The following RAD51B variants were observed in gnomAD, a reference collection of about 807,000 sequenced individuals.
RAD51B encodes DNA repair protein RAD51 homolog 2.
Under a neutral mutation model 42.2 loss-of-function variants are expected in RAD51B, and 38 were observed. The observed-to-expected ratio is 0.90, with a 90% CI of 0.70 to 1.18. The LOEUF is 1.18. Among genes scored for constraint, RAD51B ranks in the 50% most tolerant of loss-of-function variants. The probability of loss-of-function intolerance (pLI) is 0.00; values close to 1 mark genes in which losing one functional copy is unlikely to be tolerated. For missense variants in RAD51B, 373 were observed against 400.7 expected (o/e 0.93, Z 0.59); for synonymous variants, 154 against 145.2 (o/e 1.06, Z -0.43).
chr14:68,463,274 A>T (rs565380937), intron 9 of RAD51B, among the ~76,000 whole-genome samples: 5 of 152,322 alleles, frequency 3.3e-5, no homozygotes, highest in South Asian at 2.1e-4. Context: ...ATCCACAAAG[A>T]TACATGGCAA....
chr14:68,490,276 A>G (rs1370871134), intron 10 of RAD51B, among the ~76,000 whole-genome samples: 1 of 152,192 alleles, frequency 6.6e-6, no homozygotes, highest in Non-Finnish European at 1.5e-5. Flanking sequence ...ATATTCATGT[A>G]TTGCTTATGT....
At chr14:68,167,519 G>T (rs2078778121) in intron 7 of RAD51B, among the ~76,000 whole-genome samples, 1 of 152,080 alleles carries the variant, frequency 6.6e-6, no homozygotes, top group Non-Finnish European at 1.5e-5. Context: ...CTCAGTGGTT[G>T]GTACAGAGGT....
intron 3 of RAD51B, among the ~76,000 whole-genome samples, chr14:67,833,672 A>G (rs183085922): frequency 1.3e-5 from 2 of 152,330 alleles, no homozygotes; most frequent in East Asian, 1.9e-4. Context: ...CCTGTGTGCA[A>G]TTTAAAACTT....
chr14:68,369,634 A>G (rs1397511588), intron 8 of RAD51B, among the ~76,000 whole-genome samples: 2 of 152,166 alleles, frequency 1.3e-5, no homozygotes, highest in African/African-American at 4.8e-5. Context: ...AATAGGTGCC[A>G]TATCTTTCAC....
intron 8 of RAD51B, among the ~76,000 whole-genome samples, chr14:68,384,878 GGGT>G (rs900880685): frequency 6.6e-6 from 1 of 152,128 alleles, no homozygotes; most frequent in African/African-American, 2.4e-5. Flanking sequence ...CTCCAATTGT[GGGT>G]GACAGTTGTG....
At chr14:68,616,430 G>C (rs1891828178), downstream of RAD51B, among the ~76,000 whole-genome samples, 1 of 152,128 alleles carries the variant, frequency 6.6e-6, no homozygotes, top group Non-Finnish European at 1.5e-5. Context: ...GGCTTGCATT[G>C]TTTTGATCAG....
chr14:68,620,772 G>T lies in RAD51B; in HGVS notation c.1037-30009G>T, dbSNP rs139536890. On this transcript the variant is annotated intron_variant, in intron 10 of 11. Transcript: ENST00000488612. ...TCATGTTTCAGGTCCTCACCTGTCTGTCCACAGCCTGAATACAATTGGTCT... is the reference window on the plus strand; with the variant it reads ...TCATGTTTCAGGTCCTCACCTGTCTTTCCACAGCCTGAATACAATTGGTCT... Among the ~76,000 whole-genome samples, 132 of 152,292 alleles carry T rather than the reference G, an allele frequency of 8.7e-4. 1 individual carries two copies. Among genetic ancestry groups the T allele is most frequent in the African/African-American group, 2.9e-3 (122 of 41,550 alleles).
intron 7 of RAD51B, among the ~76,000 whole-genome samples, chr14:68,215,697 G>A (rs2079800891): frequency 6.6e-6 from 1 of 152,206 alleles, no homozygotes; most frequent in Non-Finnish European, 1.5e-5. Flanking sequence ...CAAAGGCACT[G>A]GCTGCCTAGT....
intron 5 of RAD51B, among the ~76,000 whole-genome samples, chr14:67,882,228 C>T (rs1203092701): frequency 6.6e-6 from 1 of 152,210 alleles, no homozygotes; most frequent in African/African-American, 2.4e-5. Context: ...CTGCCTTGGC[C>T]TCCTAAAGTG....
intron 10 of RAD51B, among the ~76,000 whole-genome samples, chr14:68,471,442 C>T (rs1452724493): frequency 2.0e-5 from 3 of 152,016 alleles, no homozygotes; most frequent in African/African-American, 4.8e-5. Flanking sequence ...GGGCAGAATT[C>T]GATTTACCAG....
At chr14:67,984,129 G>T (rs1016035453) in intron 7 of RAD51B, among the ~76,000 whole-genome samples, 1 of 152,072 alleles carries the variant, frequency 6.6e-6, no homozygotes, top group Admixed American at 6.6e-5. Flanking sequence ...AGTAGAGACA[G>T]GGTTTCACCA....
intron 5 of RAD51B, among the ~76,000 whole-genome samples, chr14:67,867,726 G>T (rs1170977369): frequency 6.6e-6 from 1 of 152,168 alleles, no homozygotes; most frequent in Non-Finnish European, 1.5e-5. Context: ...ATATTGGATT[G>T]GTAATTAACA....
At chr14:68,089,066 GCC>G in intron 7 of RAD51B, among the ~76,000 whole-genome samples, 1 of 151,948 alleles carries the variant, frequency 6.6e-6, no homozygotes, top group Non-Finnish European at 1.5e-5. Flanking sequence ...TTAATATAAA[GCC>G]ATCATTATTT....
intron 9 of RAD51B, among the ~76,000 whole-genome samples, chr14:68,434,161 G>T (rs1447725818): frequency 2.0e-5 from 3 of 152,196 alleles, no homozygotes; most frequent in Non-Finnish European, 4.4e-5. Flanking sequence ...CTACTTGGGG[G>T]TGCCTCCCAG....
intron 7 of RAD51B, among the ~76,000 whole-genome samples, chr14:68,184,608 TA>T (rs748047329): frequency 2.5e-3 from 54 of 21,582 alleles, no homozygotes; most frequent in Middle Eastern, 0.016. Context: ...AGGCCCTGTC[TA>T]AAAAAAAAAA....
chr14:68,621,292 C>G (rs1321923838), intron 10 of RAD51B, among the ~76,000 whole-genome samples: 2 of 152,234 alleles, frequency 1.3e-5, no homozygotes, highest in Non-Finnish European at 2.9e-5. Context: ...GGGTCATCCT[C>G]TTTGGCTTCA....
chr14:68,066,808 A>G (rs1440839627), intron 7 of RAD51B, among the ~76,000 whole-genome samples: 2 of 152,172 alleles, frequency 1.3e-5, no homozygotes, highest in South Asian at 4.1e-4. Flanking sequence ...CTGCTTTTCA[A>G]TTTTTCTGGA....
At chr14:68,218,550 T>C (rs906415384) in intron 7 of RAD51B, among the ~76,000 whole-genome samples, 10 of 152,220 alleles carry the variant, frequency 6.6e-5, no homozygotes, top group African/African-American at 2.4e-4. Context: ...TGAATGTAAG[T>C]GCTATTGATG....
intron 7 of RAD51B, among the ~76,000 whole-genome samples, chr14:68,240,907 A>G (rs1469604387): frequency 1.3e-5 from 2 of 152,236 alleles, no homozygotes; most frequent in East Asian, 1.9e-4. Context: ...CTTTACCTAC[A>G]TTATCTTATT....
Sources: gnomAD v4.1 joint callset for allele counts (sites outside exome capture counted in the v4.1 genomes callset) on GRCh38, gnomAD v4.1.1 for gene constraint, MANE v1.5 for transcripts, NCBI Gene and HGNC (gene_info 2026-07-23, HGNC 2026-07-21) for gene names.